UNC13C: variants seen among roughly 807,000 people sequenced by gnomAD.
The protein encoded by UNC13C is unc-13 homolog C.
In UNC13C, 174 loss-of-function variants were observed where a neutral mutation model predicts 245.4. The observed-to-expected ratio is 0.71, with a 90% CI of 0.63 to 0.80. The LOEUF is 0.80. Among genes scored for constraint, UNC13C ranks in the 30% least tolerant of loss-of-function variants. The pLI, the probability that UNC13C is intolerant of heterozygous loss-of-function variation, is 0.00. For synonymous variants in UNC13C, 992 were observed against 895.1 expected, an observed-to-expected ratio of 1.11 and a Z score of -1.93; for missense variants, 2,829 against 2,602.9, an observed-to-expected ratio of 1.09 and a Z score of -1.89.
At chr15:54,242,894 C>T (rs962985756) in intron 7 of UNC13C, among the ~76,000 whole-genome samples, 2 of 152,156 alleles carry the variant, frequency 1.3e-5, no homozygotes, top group Non-Finnish European at 2.9e-5. Flanking sequence ...CATAAAAGGA[C>T]AGTTACATGG....
intron 30 of UNC13C, among the ~76,000 whole-genome samples, chr15:54,568,694 T>C (rs1449345350): frequency 1.3e-5 from 2 of 152,190 alleles, no homozygotes; most frequent in Non-Finnish European, 2.9e-5. Flanking sequence ...TAATAAAAGT[T>C]ATACTACAGA....
chr15:54,572,824 T>C (rs1428930311), intron 30 of UNC13C, among the ~76,000 whole-genome samples: 1 of 152,184 alleles, frequency 6.6e-6, no homozygotes, highest in Non-Finnish European at 1.5e-5. Context: ...ATGTGTGTTG[T>C]ATAAAAAGTC....
chr15:54,550,949 T>A (rs1023682917), intron 28 of UNC13C, among the ~76,000 whole-genome samples: 2 of 152,202 alleles, frequency 1.3e-5, no homozygotes, highest in Non-Finnish European at 2.9e-5. Context: ...CTGTGTGATG[T>A]TAGTAAGCAC....
At chr15:53,880,571 T>A in the UNC13C span, among the ~76,000 whole-genome samples, 2 of 152,126 alleles carry the variant, frequency 1.3e-5, no homozygotes, top group Non-Finnish European at 2.9e-5. Context: ...AGCTGACAGC[T>A]CTCTCGGGAC....
intron 4 of UNC13C, among the ~76,000 whole-genome samples, chr15:54,167,268 C>T (rs529753158): frequency 6.6e-6 from 1 of 151,866 alleles, no homozygotes; most frequent in South Asian, 2.1e-4. Flanking sequence ...GTTGGGAGGC[C>T]GAGGCAGGCG....
intron 13 of UNC13C, among the ~76,000 whole-genome samples, chr15:54,307,343 C>A (rs1022098033): frequency 2.0e-5 from 3 of 151,844 alleles, no homozygotes; most frequent in African/African-American, 7.3e-5. Context: ...CTCTCTGGGG[C>A]CTCTTTTATA....
chr15:54,385,459 A>G (rs960376018), intron 17 of UNC13C, among the ~76,000 whole-genome samples: 1 of 152,080 alleles, frequency 6.6e-6, no homozygotes, highest in African/African-American at 2.4e-5. Context: ...GACAAATACC[A>G]CATATTCTCA....
the UNC13C span, among the ~76,000 whole-genome samples, chr15:53,842,884 TA>T: frequency 7.1e-6 from 1 of 141,178 alleles, no homozygotes; most frequent in Non-Finnish European, 1.5e-5. Context: ...TGCTTATTTA[TA>T]TATAATTTTA....
At chr15:54,379,737 T>C (rs1265409067) in intron 17 of UNC13C, among the ~76,000 whole-genome samples, 6 of 152,188 alleles carry the variant, frequency 3.9e-5, no homozygotes, top group Non-Finnish European at 2.9e-5. Context: ...CAATGGTCAA[T>C]AGGAGCTGTG....
the UNC13C span, among the ~76,000 whole-genome samples, chr15:53,925,394 A>G: frequency 1.3e-5 from 2 of 152,218 alleles, no homozygotes; most frequent in Admixed American, 6.5e-5. Context: ...TGTGTTTGGC[A>G]ACACAGCCTG....
intron 14 of UNC13C, 36 bp from the exon 15 acceptor site, chr15:54,332,004 TTTA>T: frequency 1.4e-6 from 2 of 1,418,096 alleles, no homozygotes; most frequent in Non-Finnish European, 1.9e-6. Context: ...AGAGTGGTCA[TTTA>T]TTTCCATTCT....
chr15:54,572,744 T>A (rs996008712), intron 30 of UNC13C, among the ~76,000 whole-genome samples: 3 of 152,098 alleles, frequency 2.0e-5, no homozygotes, highest in Admixed American at 2.0e-4. Context: ...TAATTTTTAA[T>A]TCATGTTCTG....
Position 54,014,581 on chromosome 15 carries a change from T to G in UNC13C, c.1678T>G (p.Tyr560Asp), listed in dbSNP as rs1424682532. The stretch of plus-strand genomic sequence containing the variant: ...AGATTTTTCCAAATTGTGTCAGTCT[T>G]ACTCAGAAGATTTTTCAGAAAATCA... The part of the protein sequence containing the change: ...ESDFSKLCQS[Y>D]SEDFSENQFF... Residue 560 changes from tyrosine (Y) to aspartate (D), a missense_variant, in exon 2 of 33, where the codon TAC (tyrosine) becomes GAC (aspartate). By Grantham distance (160) the Tyr-to-Asp change is radical. Transcript: ENST00000260323. 3 of 1,613,782 alleles carry G rather than the reference T, an allele frequency of 1.9e-6. No individual in the cohort carries two copies. The South Asian group carries it at 3.3e-5, about 18-fold the overall frequency.
chr15:54,038,115 TA>T (rs1330033482), intron 2 of UNC13C, among the ~76,000 whole-genome samples: 4 of 68,526 alleles, frequency 5.8e-5, no homozygotes, highest in African/African-American at 1.2e-4. Flanking sequence ...TATATATATA[TA>T]TATATATATT....
chr15:54,457,690 C>G (rs1381073290), intron 19 of UNC13C, among the ~76,000 whole-genome samples: 1 of 151,910 alleles, frequency 6.6e-6, no homozygotes, highest in Non-Finnish European at 1.5e-5. Flanking sequence ...CTTGAATGAT[C>G]TTTTGTATTT....
intron 2 of UNC13C, among the ~76,000 whole-genome samples, chr15:54,091,479 AATG>A (rs1407069473): frequency 2.6e-5 from 4 of 152,292 alleles, no homozygotes; most frequent in South Asian, 4.1e-4. Flanking sequence ...ATTTGTTTAT[AATG>A]ATAAGTCCTT....
intron 2 of UNC13C, among the ~76,000 whole-genome samples, chr15:54,123,178 A>G (rs2141198332): frequency 6.6e-6 from 1 of 151,972 alleles, no homozygotes; most frequent in East Asian, 1.9e-4. Context: ...TTCAAATTTC[A>G]TTACCCCAAG....
chr15:54,105,654 C>T (rs201468780), intron 2 of UNC13C, among the ~76,000 whole-genome samples: 3 of 151,890 alleles, frequency 2.0e-5, no homozygotes, highest in Non-Finnish European at 4.4e-5. Context: ...ATTTCTACTA[C>T]GGTGATGAAA....
intron 1 of UNC13C, among the ~76,000 whole-genome samples, chr15:54,002,704 A>G (rs1046485406): frequency 9.2e-5 from 14 of 152,236 alleles, no homozygotes; most frequent in African/African-American, 1.4e-4. Flanking sequence ...AATTACTCAC[A>G]GGATTTACTT....
Sources: gnomAD v4.1 joint callset for allele counts (sites outside exome capture counted in the v4.1 genomes callset) on GRCh38, gnomAD v4.1.1 for gene constraint, MANE v1.5 for transcripts, NCBI Gene and HGNC (gene_info 2026-07-23, HGNC 2026-07-21) for gene names.